EVL: variants seen among roughly 807,000 people sequenced by gnomAD.
The protein encoded by EVL is Enah/Vasp-like.
EVL carries 21 observed loss-of-function variants against 59.6 expected under a neutral mutation model. The observed-to-expected ratio is 0.35, with a 90% CI of 0.25 to 0.51. The LOEUF is 0.51. Among genes scored for constraint, EVL ranks in the 20% least tolerant of loss-of-function variants. The pLI is 0.97. For missense variants in EVL, 462 were observed against 546.6 expected (o/e 0.85, Z 1.54); for synonymous variants, 198 against 203.5 (o/e 0.97, Z 0.23).
chr14:100,136,065 T>C, intron 9 of EVL, 97 bp downstream of exon 9: 1 of 1,399,382 alleles, frequency 7.1e-7, no homozygotes, highest in Non-Finnish European at 1.0e-6. Flanking sequence ...GCCTCTTTAG[T>C]ATGCCTGAGC....
intron 1 of EVL, among the ~76,000 whole-genome samples, chr14:100,004,909 C>T (rs939354977): frequency 4.0e-5 from 6 of 150,852 alleles, no homozygotes; most frequent in Non-Finnish European, 8.9e-5. Context: ...TTGGAATATA[C>T]CTAAATAATG....
chr14:100,047,465 C>T (rs899217055), intron 1 of EVL, among the ~76,000 whole-genome samples: 5 of 152,186 alleles, frequency 3.3e-5, no homozygotes, highest in South Asian at 4.2e-4. Flanking sequence ...CACTGAGCTC[C>T]GTTGCACAGG....
chr14:100,121,058 C>G (rs1887666171), intron 3 of EVL, among the ~76,000 whole-genome samples: 1 of 152,224 alleles, frequency 6.6e-6, no homozygotes, highest in Admixed American at 6.5e-5. Flanking sequence ...CCAAGGTGCT[C>G]ATCTGCAGCA....
intron 8 of EVL, among the ~76,000 whole-genome samples, chr14:100,133,932 C>T (rs1339071288): frequency 3.3e-5 from 5 of 152,020 alleles, no homozygotes; most frequent in Admixed American, 2.0e-4. Flanking sequence ...AACGAGACTC[C>T]GTCTCAAAAA....
chr14:100,118,006 A>G (rs939486093), intron 3 of EVL, among the ~76,000 whole-genome samples: 3 of 152,242 alleles, frequency 2.0e-5, no homozygotes, highest in Non-Finnish European at 4.4e-5. Flanking sequence ...TATGGTAAGT[A>G]CTGGGAATAC....
intron 1 of EVL, among the ~76,000 whole-genome samples, chr14:100,023,371 A>ATTTTTT (rs1010647617): frequency 7.7e-5 from 7 of 90,748 alleles, no homozygotes; most frequent in Non-Finnish European, 1.0e-4. Flanking sequence ...AGCCCGGCTA[A>ATTTTTT]TTTTTTTTTT....
intron 1 of EVL, among the ~76,000 whole-genome samples, chr14:100,031,466 C>T (rs1233285862): frequency 1.3e-5 from 2 of 152,178 alleles, no homozygotes; most frequent in Non-Finnish European, 2.9e-5. Context: ...CTTTCATAAT[C>T]AAGAGCACTG....
At chr14:100,124,298 T>C (rs1278387117) in intron 4 of EVL, among the ~76,000 whole-genome samples, 6 of 152,218 alleles carry the variant, frequency 3.9e-5, no homozygotes, top group African/African-American at 9.7e-5. Context: ...GCTACACTTA[T>C]GTCCAGCCCT....
At chr14:100,019,540 A>G in intron 1 of EVL, 2 of 780,504 alleles carry the variant, frequency 2.6e-6, no homozygotes, top group Non-Finnish European at 3.9e-6. Flanking sequence ...TTACTTCAGA[A>G]TATTGGGGGG....
chr14:99,983,221 G>A (rs888065531), intron 1 of EVL, among the ~76,000 whole-genome samples: 3 of 152,146 alleles, frequency 2.0e-5, no homozygotes, highest in Admixed American at 2.0e-4. Context: ...TTCTAAGAAA[G>A]ATCCAGTGAC....
At chr14:99,984,546 C>T (rs1192069684) in intron 1 of EVL, among the ~76,000 whole-genome samples, 1 of 152,042 alleles carries the variant, frequency 6.6e-6, no homozygotes, top group African/African-American at 2.4e-5. Flanking sequence ...TCCTATACAC[C>T]TCCTGCACAC....
chr14:100,002,872 A>G (rs1321656050), intron 1 of EVL, among the ~76,000 whole-genome samples: 1 of 152,218 alleles, frequency 6.6e-6, no homozygotes, highest in African/African-American at 2.4e-5. Flanking sequence ...AATAAGCCCA[A>G]TAAAAGCAGC....
At chr14:100,105,899 G>A (rs1430780405) in intron 3 of EVL, 1 of 152,236 alleles carries the variant, frequency 6.6e-6, no homozygotes, top group Non-Finnish European at 1.5e-5. Context: ...TCTGCAGAAA[G>A]TTTGACTGTC....
upstream of EVL, among the ~76,000 whole-genome samples, chr14:100,063,233 A>G (rs998822206): frequency 6.6e-6 from 1 of 152,224 alleles, no homozygotes. Context: ...CGAGTCCTTA[A>G]AAGTAGAGAA....
At chr14:100,046,775 A>ATTTTC (rs1555416255) in intron 1 of EVL, among the ~76,000 whole-genome samples, 1 of 137,304 alleles carries the variant, frequency 7.3e-6, no homozygotes, top group African/African-American at 2.7e-5. Flanking sequence ...TTTTTTGAGG[A>ATTTTC]AGAGTCTTGC....
intron 1 of EVL, among the ~76,000 whole-genome samples, chr14:99,982,359 A>G (rs1448174040): frequency 6.6e-6 from 1 of 152,198 alleles, no homozygotes; most frequent in Admixed American, 6.5e-5. Flanking sequence ...ATTTATTCGT[A>G]ATATATATTT....
intron 7 of EVL, among the ~76,000 whole-genome samples, chr14:100,131,263 C>A (rs1888418927): frequency 6.6e-6 from 1 of 152,350 alleles, no homozygotes; most frequent in East Asian, 1.9e-4. Flanking sequence ...ACCTTTCTGT[C>A]TGAGAACAGG....
At chr14:100,089,794 G>C (rs984011809) in intron 2 of EVL, among the ~76,000 whole-genome samples, 2 of 152,178 alleles carry the variant, frequency 1.3e-5, no homozygotes, top group Non-Finnish European at 2.9e-5. Flanking sequence ...TTAACTGGGT[G>C]TGGTGGCATG....
chr14:100,016,353 A>G (rs1347132970), intron 1 of EVL, among the ~76,000 whole-genome samples: 1 of 152,176 alleles, frequency 6.6e-6, no homozygotes, highest in Non-Finnish European at 1.5e-5. Context: ...ACATGGTGAA[A>G]CCCCGTCTCT....
Sources: allele counts gnomAD v4.1 joint callset (sites outside exome capture counted in the v4.1 genomes callset), GRCh38; gene constraint gnomAD v4.1.1; transcripts MANE v1.5; gene names NCBI Gene and HGNC (gene_info 2026-07-23, HGNC 2026-07-21).